POLR1D: variants seen among roughly 807,000 people sequenced by gnomAD.
POLR1D encodes the protein RNA polymerase I and III subunit D.
Under a neutral mutation model 10.8 loss-of-function variants are expected in POLR1D, and 8 were observed. The observed-to-expected ratio is 0.74, with a 90% CI of 0.43 to 1.33. The LOEUF is 1.33. Among genes scored for constraint, POLR1D ranks in the 40% most tolerant of loss-of-function variants. The pLI is 0.01. For missense variants in POLR1D, 152 were observed against 161.7 expected (o/e 0.94, Z 0.32); for synonymous variants, 54 against 57.2 (o/e 0.94, Z 0.25).
Position 27,645,747 on chromosome 13 carries a change from G to C in POLR1D, c.27-2632G>C, listed in dbSNP as rs191130556. ...CCCAGTATCTACTCCTCCTTTTATG[G>C]TCCTCCATCCTTGGTGAATTTGTTT... On this transcript the variant is annotated intron_variant, in intron 1 of 2. Transcript: ENST00000399697. Among the ~76,000 whole-genome samples, 11 of 152,178 alleles carry C rather than the reference G, an allele frequency of 7.2e-5. No homozygotes were observed. The East Asian group carries it at 2.1e-3, about 29-fold the overall frequency.
chr13:27,640,435 A>T (rs956683878), intron 1 of POLR1D, among the ~76,000 whole-genome samples: 2 of 152,208 alleles, frequency 1.3e-5, no homozygotes, highest in African/African-American at 4.8e-5. Context: ...CAGAAAAGTT[A>T]AAAAAGACAT....
intron 2 of POLR1D, among the ~76,000 whole-genome samples, chr13:27,661,842 C>T (rs984683734): frequency 2.6e-5 from 4 of 152,108 alleles, no homozygotes; most frequent in Non-Finnish European, 4.4e-5. Flanking sequence ...GTTAGTTTTA[C>T]GTCTGAGGAC....
At chr13:27,659,293 G>A (rs1332086206) in intron 2 of POLR1D, among the ~76,000 whole-genome samples, 2 of 152,172 alleles carry the variant, frequency 1.3e-5, no homozygotes, top group Non-Finnish European at 2.9e-5. Context: ...GGTGGATACA[G>A]AAACAAGCAT....
At chr13:27,662,465 AGTCAG>A (rs1956373960) in intron 2 of POLR1D, among the ~76,000 whole-genome samples, 1 of 152,208 alleles carries the variant, frequency 6.6e-6, no homozygotes. Context: ...AATAGCCCAA[AGTCAG>A]GTCAGATCAA....
At chr13:27,638,789 G>A (rs553744300) in intron 1 of POLR1D, among the ~76,000 whole-genome samples, 60 of 152,066 alleles carry the variant, frequency 3.9e-4, no homozygotes, top group Admixed American at 1.9e-3. Flanking sequence ...ATAACATAAA[G>A]CTCTTTTAGG....
At chr13:27,624,813 A>G (rs1480698865), downstream of POLR1D, among the ~76,000 whole-genome samples, 4 of 152,128 alleles carry the variant, frequency 2.6e-5, no homozygotes. Context: ...TCTTGAACCT[A>G]GGAGGTTGAG....
intron 2 of POLR1D, among the ~76,000 whole-genome samples, chr13:27,660,254 A>T (rs1956350981): frequency 6.6e-6 from 1 of 152,182 alleles, no homozygotes; most frequent in Admixed American, 6.5e-5. Context: ...CCCTTGTTTC[A>T]TGCAGAGTTG....
intron 1 of POLR1D, among the ~76,000 whole-genome samples, chr13:27,633,822 C>A (rs965701045): frequency 5.9e-5 from 9 of 152,186 alleles, no homozygotes; most frequent in African/African-American, 2.2e-4. Context: ...GTTCTGCATA[C>A]TTAAACATAA....
intron 2 of POLR1D, among the ~76,000 whole-genome samples, chr13:27,657,005 C>T (rs1956313874): frequency 6.6e-6 from 1 of 152,120 alleles, no homozygotes; most frequent in Non-Finnish European, 1.5e-5. Context: ...ATGTAATCCT[C>T]TATTGGCCAG....
downstream of POLR1D, among the ~76,000 whole-genome samples, chr13:27,624,501 T>A (rs549087654): frequency 5.9e-5 from 9 of 152,298 alleles, 1 homozygote; most frequent in South Asian, 1.0e-3. Context: ...ATATCCATAT[T>A]TTTGAGCACT....
At chr13:27,652,002 A>G (rs1052998294) in intron 2 of POLR1D, among the ~76,000 whole-genome samples, 6 of 152,166 alleles carry the variant, frequency 3.9e-5, no homozygotes, top group African/African-American at 1.2e-4. Context: ...TGCCTCTACT[A>G]TTGTGAGTCA....
At chr13:27,627,720 A>G (rs1194200843), downstream of POLR1D, among the ~76,000 whole-genome samples, 1 of 136,076 alleles carries the variant, frequency 7.3e-6, no homozygotes, top group Non-Finnish European at 1.6e-5. Flanking sequence ...ACTGCCGTAA[A>G]GTTTTAGTTT....
chr13:27,643,266 A>G (rs1347307331), intron 1 of POLR1D, among the ~76,000 whole-genome samples: 2 of 152,188 alleles, frequency 1.3e-5, no homozygotes, highest in Admixed American at 1.3e-4. Flanking sequence ...TTGTGCCTTT[A>G]GTTTATGTCT....
chr13:27,662,334 A>G (rs1328082946), intron 2 of POLR1D, among the ~76,000 whole-genome samples: 5 of 150,852 alleles, frequency 3.3e-5, no homozygotes, highest in Non-Finnish European at 7.4e-5. Context: ...TTAGAAAGGT[A>G]TTACAGCACA....
intron 1 of POLR1D, among the ~76,000 whole-genome samples, chr13:27,628,776 G>A (rs1001438390): frequency 1.3e-5 from 2 of 152,134 alleles, no homozygotes; most frequent in African/African-American, 2.4e-5. Context: ...GTTTTCGATT[G>A]GCTGATACAT....
intron 1 of POLR1D, among the ~76,000 whole-genome samples, chr13:27,629,570 G>A (rs978722752): frequency 4.6e-5 from 7 of 152,060 alleles, no homozygotes; most frequent in African/African-American, 1.7e-4. Context: ...GTTTTCTTCA[G>A]TCTGTAATAT....
intron 1 of POLR1D, among the ~76,000 whole-genome samples, chr13:27,629,012 G>A (rs1175527387): frequency 6.6e-6 from 1 of 152,184 alleles, no homozygotes; most frequent in African/African-American, 2.4e-5. Flanking sequence ...TGTGTGTGGA[G>A]ACAGTCTCAC....
At chr13:27,628,852 G>A (rs570870257) in intron 1 of POLR1D, among the ~76,000 whole-genome samples, 10 of 152,278 alleles carry the variant, frequency 6.6e-5, no homozygotes, top group African/African-American at 2.4e-4. Flanking sequence ...CAGTCGCACT[G>A]TTACCAAGGC....
At chr13:27,659,266 A>G (rs1189369058) in intron 2 of POLR1D, among the ~76,000 whole-genome samples, 3 of 152,214 alleles carry the variant, frequency 2.0e-5, no homozygotes, top group Non-Finnish European at 4.4e-5. Flanking sequence ...TCCTGGCCTT[A>G]AAGTTTTTAA....
Sources: gnomAD v4.1 joint callset for allele counts (sites outside exome capture counted in the v4.1 genomes callset) on GRCh38, gnomAD v4.1.1 for gene constraint, MANE v1.5 for transcripts, NCBI Gene and HGNC (gene_info 2026-07-23, HGNC 2026-07-21) for gene names.